OSBPL5: variants seen among roughly 807,000 people sequenced by gnomAD.
OSBPL5 encodes oxysterol-binding protein-related protein 5.
OSBPL5 carries 71 observed loss-of-function variants against 111.2 expected under a neutral mutation model. That is an observed-to-expected ratio of 0.64 (90% CI 0.53 to 0.78). The LOEUF is 0.78. Among genes scored for constraint, OSBPL5 ranks in the 30% least tolerant of loss-of-function variants. The pLI is 0.00. For synonymous variants in OSBPL5, 549 were observed against 513.9 expected, an observed-to-expected ratio of 1.07 and a Z score of -0.93; for missense variants, 1,210 against 1,189.3, an observed-to-expected ratio of 1.02 and a Z score of -0.26.
In OSBPL5 at chr11:3,104,734, G is replaced by A. The variant is rs1857637228; in HGVS notation, c.1060-357C>T. 6.6e-6 allele frequency among the ~76,000 whole-genome samples: 1 copy of A among 152,316 alleles called. No homozygotes were observed. The highest frequency in any genetic ancestry group is 1.5e-5 in the Non-Finnish European group (1 of 68,010). Reference sequence around the variant, plus strand: ...TGGGACCCTGGGCCCAGGGAACAGAGAGACTGCAGCCCACCCTGTCTTCAC... The same window carrying A: ...TGGGACCCTGGGCCCAGGGAACAGAAAGACTGCAGCCCACCCTGTCTTCAC... On this transcript the variant is annotated intron_variant, in intron 9 of 21. Coordinates refer to ENST00000263650, the MANE Select transcript of OSBPL5 (RefSeq NM_020896.4). This position sits in a 1 kb window ranked among gnomAD's most constrained non-coding sequence, Gnocchi z 5.0.
At chr11:3,125,096 G>T (rs1184281933) in intron 3 of OSBPL5, among the ~76,000 whole-genome samples, 1 of 151,726 alleles carries the variant, frequency 6.6e-6, no homozygotes, top group East Asian at 1.9e-4. Flanking sequence ...GTCCAGGCAT[G>T]CCAGGTCCTC....
At position 3,105,843 on chromosome 11, in the gene OSBPL5, C is replaced by T. The variant is rs965725262; in HGVS notation, c.1059+1420G>A. On this transcript the variant is annotated intron_variant, in intron 9 of 21. Transcript: ENST00000263650. The surrounding 1 kb of genome is among the most constrained non-coding windows in gnomAD (Gnocchi z 5.2). ...CTCTGCCTGGCTCACAGCAGCGTCGCTCATCACCATCTGGCTGAGATCTAC... is the reference window on the plus strand; with the variant it reads ...CTCTGCCTGGCTCACAGCAGCGTCGTTCATCACCATCTGGCTGAGATCTAC... Among the ~76,000 whole-genome samples the T allele has an allele frequency of 2.0e-5, 3 of 150,128 alleles. No homozygotes were observed. The highest frequency in any genetic ancestry group is 2.0e-4 in the Admixed American group (3 of 15,150).
intron 1 of OSBPL5, among the ~76,000 whole-genome samples, chr11:3,143,036 G>GA (rs1165309487): frequency 1.3e-5 from 1 of 78,422 alleles, no homozygotes; most frequent in African/African-American, 4.4e-5. Flanking sequence ...GGTGCGGGGG[G>GA]GGGCAGAGGA....
intron 1 of OSBPL5, among the ~76,000 whole-genome samples, chr11:3,158,097 A>G (rs1386760249): frequency 6.6e-6 from 1 of 152,234 alleles, no homozygotes; most frequent in African/African-American, 2.4e-5. Context: ...TCAGGTTTCC[A>G]GACGGGGCCC....
intron 19 of OSBPL5, 32 bp from the exon 20 acceptor site, chr11:3,090,728 G>C: frequency 1.3e-6 from 2 of 1,586,054 alleles, no homozygotes; most frequent in Non-Finnish European, 1.7e-6. Flanking sequence ...GCAGCTGAAA[G>C]CCACCCACGC....
chr11:3,136,221 G>A (rs1845944933), intron 1 of OSBPL5, among the ~76,000 whole-genome samples: 2 of 152,242 alleles, frequency 1.3e-5, no homozygotes, highest in Non-Finnish European at 2.9e-5. Context: ...CAGAGCCAGT[G>A]CACATGGCCC....
In OSBPL5 at chr11:3,127,579, C is replaced by T. The variant is rs116460952; in HGVS notation, c.137-1024G>A. 6.3e-3 allele frequency among the ~76,000 whole-genome samples: 964 copies of T among 152,346 alleles called. 10 individuals carry two copies. Among genetic ancestry groups the T allele is most frequent in the African/African-American group, 0.021 (891 of 41,576 alleles). ...CCCCCACCTGGGAGCCTCTGCTTCCCCATCTGCAGAGTGCTACGCCCCTGA... is the reference window on the plus strand; with the variant it reads ...CCCCCACCTGGGAGCCTCTGCTTCCTCATCTGCAGAGTGCTACGCCCCTGA... On this transcript the variant is annotated intron_variant, in intron 2 of 21. Transcript: ENST00000263650.
In OSBPL5 at chr11:3,106,405, C is replaced by A. The variant is rs1259814541; in HGVS notation, c.1059+858G>T. ...GCCCCCCGTTCCTGACAGCCCCCAC[C>A]CCAGAGCGCAGCCCCCACCCCAGAG... is the stretch of plus-strand genomic sequence containing the variant. On this transcript the variant is annotated intron_variant, in intron 9 of 21. Coordinates refer to ENST00000263650, the MANE Select transcript of OSBPL5 (RefSeq NM_020896.4). This position sits in a 1 kb window ranked among gnomAD's most constrained non-coding sequence, Gnocchi z 8.4. 6.6e-6 allele frequency among the ~76,000 whole-genome samples: 1 copy of A among 150,924 alleles called. No homozygotes were observed. Among genetic ancestry groups the A allele is most frequent in the Non-Finnish European group, 1.5e-5 (1 of 67,956 alleles).
At position 3,104,786 on chromosome 11, in the gene OSBPL5, C is replaced by A. The variant is rs1285430090; in HGVS notation, c.1060-409G>T. 6.6e-6 allele frequency among the ~76,000 whole-genome samples: 1 copy of A among 152,134 alleles called. No individual in the cohort carries two copies. Among genetic ancestry groups the A allele is most frequent in the East Asian group, 1.9e-4 (1 of 5,196 alleles). ...GCTGCCAGGGGAGGCAGGGATTTGG[C>A]CTGCTCTTCCATTTTTTAAAAAAGG... is the stretch of plus-strand genomic sequence containing the variant. On this transcript the variant is annotated intron_variant, in intron 9 of 21. Coordinates refer to ENST00000263650, the MANE Select transcript of OSBPL5 (RefSeq NM_020896.4). The surrounding 1 kb of genome is among the most constrained non-coding windows in gnomAD (Gnocchi z 5.0).
At chr11:3,094,146 C>T (rs1857164273) in intron 15 of OSBPL5, 91 bp downstream of exon 15, 2 of 1,296,288 alleles carry the variant, frequency 1.5e-6, no homozygotes, top group South Asian at 2.6e-5. Flanking sequence ...CTTGGGGAAC[C>T]TTCCTTGGGG....
Position 3,107,463 on chromosome 11 carries a change from G to A in OSBPL5, c.867-8C>T, listed in dbSNP as rs752657257. 2.5e-6 allele frequency: 4 copies of A among 1,613,806 alleles called. No individual in the cohort carries two copies. The South Asian group carries it at 3.3e-5, about 13-fold the overall frequency. On this transcript the variant is annotated splice_region_variant and splice_polypyrimidine_tract_variant and intron_variant, in intron 8 of 21. Coordinates refer to ENST00000263650, the MANE Select transcript of OSBPL5 (RefSeq NM_020896.4). This position sits in a 1 kb window ranked among gnomAD's most constrained non-coding sequence, Gnocchi z 6.1. ...AGGGAAGACCCGTTCAGTCTGGAAG[G>A]TGGATGGTGCCAGTGGGTCCCTGTC...
rs1846160474 is a variant in OSBPL5 at position 3,142,588 on chromosome 11, G to A, written c.-21-13419C>T. On this transcript the variant is annotated intron_variant, in intron 1 of 21. Coordinates refer to ENST00000263650, the MANE Select transcript of OSBPL5 (RefSeq NM_020896.4). This position sits in a 1 kb window ranked among gnomAD's most constrained non-coding sequence, Gnocchi z 7.1. Reference sequence around the variant, plus strand: ...ATGAAATGAATGACTCCATCCTACAGGTCTGAGAGTCACCGTCTCGCGGGT... The same window carrying A: ...ATGAAATGAATGACTCCATCCTACAAGTCTGAGAGTCACCGTCTCGCGGGT... Among the ~76,000 whole-genome samples the A allele has an allele frequency of 1.3e-5, 2 of 152,236 alleles. No individual in the cohort carries two copies. Among genetic ancestry groups the A allele is most frequent in the South Asian group, 4.1e-4 (2 of 4,836 alleles).
At chr11:3,119,652 G>A (rs368367658) in intron 6 of OSBPL5, 21 bp from the exon 7 acceptor site, 8 of 1,576,638 alleles carry the variant, frequency 5.1e-6, no homozygotes, top group Admixed American at 1.9e-5. Context: ...AGAGATCTGG[G>A]TGTCACCCGA....
At chr11:3,135,331 A>G (rs1366925650) in intron 1 of OSBPL5, among the ~76,000 whole-genome samples, 1 of 152,190 alleles carries the variant, frequency 6.6e-6, no homozygotes, top group Non-Finnish European at 1.5e-5. Flanking sequence ...GCATCTCTAG[A>G]ATGAATTCGC....
intron 1 of OSBPL5, among the ~76,000 whole-genome samples, chr11:3,131,369 C>G (rs988036039): frequency 5.4e-5 from 8 of 148,622 alleles, no homozygotes; most frequent in African/African-American, 2.0e-4. Context: ...ATCCATCCAC[C>G]CACCCACCCA....
chr11:3,110,627 T>C lies in OSBPL5; in HGVS notation c.692-2682A>G, dbSNP rs922327508. On this transcript the variant is annotated intron_variant, in intron 7 of 21. Transcript: ENST00000263650. The surrounding 1 kb of genome is among the most constrained non-coding windows in gnomAD (Gnocchi z 5.3). ...AAAGGGAAAAACCCAAGCTGGGAAC[T>C]GCTTAGGGCCAACCTGCCTCCCATT... Among the ~76,000 whole-genome samples the C allele has an allele frequency of 5.3e-5, 8 of 152,170 alleles. No homozygotes were observed. The highest frequency in any genetic ancestry group is 1.9e-4 in the African/African-American group (8 of 41,436).
intron 6 of OSBPL5, 61 bp from the exon 7 acceptor site, chr11:3,119,692 G>T: frequency 6.6e-7 from 1 of 1,505,678 alleles, no homozygotes; most frequent in Non-Finnish European, 9.0e-7. Flanking sequence ...TGCACAGATA[G>T]GTCAGGCAGA....
chr11:3,097,418 C>T (rs1857312961), intron 14 of OSBPL5, among the ~76,000 whole-genome samples: 1 of 152,174 alleles, frequency 6.6e-6, no homozygotes, highest in Non-Finnish European at 1.5e-5. Flanking sequence ...CCAGAACTCT[C>T]CATGAATGTG....
intron 1 of OSBPL5, among the ~76,000 whole-genome samples, chr11:3,137,355 G>A (rs572004780): frequency 6.6e-6 from 1 of 152,328 alleles, no homozygotes; most frequent in African/African-American, 2.4e-5. Context: ...GCTGGGCCCT[G>A]GGGGGCTTGG....
Sources: gnomAD v4.1 joint callset for allele counts (sites outside exome capture counted in the v4.1 genomes callset) on GRCh38, gnomAD v4.1.1 for gene constraint, Gnocchi (gnomAD v3.1) non-coding constraint, MANE v1.5 for transcripts, NCBI Gene and HGNC (gene_info 2026-07-23, HGNC 2026-07-21) for gene names.